Variants in GABRB2 observed in about 807,000 individuals in gnomAD.
The protein encoded by GABRB2 is gamma-aminobutyric acid receptor subunit beta-2.
Under a neutral mutation model 54.7 loss-of-function variants are expected in GABRB2, and 16 were observed. The observed-to-expected ratio is 0.29, with a 90% CI of 0.20 to 0.44. The LOEUF is 0.44. GABRB2 is among the 20% of genes least tolerant of loss of function. The probability of loss-of-function intolerance (pLI) is 1.00; values close to 1 mark genes in which losing one functional copy is unlikely to be tolerated. For synonymous variants in GABRB2, 244 were observed against 233.8 expected, an observed-to-expected ratio of 1.04 and a Z score of -0.40; for missense variants, 355 against 644.0, an observed-to-expected ratio of 0.55 and a Z score of 4.86.
intron 4 of GABRB2, among the ~76,000 whole-genome samples, chr5:161,421,366 T>A (rs1327274136): frequency 1.3e-5 from 2 of 152,142 alleles, no homozygotes; most frequent in Non-Finnish European, 2.9e-5. Flanking sequence ...ATAACTGAAA[T>A]GACTTTTATA....
chr5:161,322,381 A>G (rs1193487896), intron 9 of GABRB2, among the ~76,000 whole-genome samples: 1 of 152,056 alleles, frequency 6.6e-6, no homozygotes, highest in Admixed American at 6.6e-5. Context: ...GACTACAGGC[A>G]TGTGCCACCA....
At position 161,546,227 on chromosome 5, in the gene GABRB2, T is replaced by A. The variant is rs1581075212; in HGVS notation, c.169+95A>T. 63 of 934,702 alleles carry A rather than the reference T, an allele frequency of 6.7e-5. No homozygotes were observed. In the East Asian group the frequency reaches 1.5e-3, roughly 23 times the overall value. The allele number at this position is 934,702 out of a possible 1,614,324, so 57.9% of individuals were successfully genotyped here. On this transcript the variant is annotated intron_variant, in intron 2 of 9. Transcript: ENST00000393959. Reference sequence around the variant, plus strand: ...ATAGAGACACATTCAGGACACCACATGCACCCACAACTAGGGAGAGGGAAG... The same window carrying A: ...ATAGAGACACATTCAGGACACCACAAGCACCCACAACTAGGGAGAGGGAAG...
At chr5:161,410,938 C>G in intron 5 of GABRB2, 37 bp downstream of exon 5, 1 of 1,514,358 alleles carries the variant, frequency 6.6e-7, no homozygotes, top group Non-Finnish European at 9.2e-7. Flanking sequence ...AACCTTAAAG[C>G]AGAGTCCAGT....
intron 3 of GABRB2, among the ~76,000 whole-genome samples, chr5:161,537,116 A>C (rs1007016456): frequency 2.0e-5 from 3 of 152,184 alleles, no homozygotes; most frequent in African/African-American, 7.2e-5. Flanking sequence ...GTTTTAAGAC[A>C]TGATTATCTG....
chr5:161,524,844 T>A (rs1307509051), intron 3 of GABRB2, among the ~76,000 whole-genome samples: 1 of 151,360 alleles, frequency 6.6e-6, no homozygotes, highest in Non-Finnish European at 1.5e-5. Flanking sequence ...ATAAAATGTA[T>A]TTAGCTATGA....
At chr5:161,458,209 G>C (rs996403852) in intron 4 of GABRB2, among the ~76,000 whole-genome samples, 2 of 152,102 alleles carry the variant, frequency 1.3e-5, no homozygotes, top group Non-Finnish European at 2.9e-5. Flanking sequence ...AATAATTTTA[G>C]TATCATGTAT....
chr5:161,468,647 A>G (rs1298344442), intron 3 of GABRB2, among the ~76,000 whole-genome samples: 1 of 151,994 alleles, frequency 6.6e-6, no homozygotes, highest in Admixed American at 6.6e-5. Context: ...ATGTCGCCCA[A>G]CTAGAAGGTA....
chr5:161,350,407 C>T (rs1385093096), intron 5 of GABRB2, among the ~76,000 whole-genome samples: 1 of 151,410 alleles, frequency 6.6e-6, no homozygotes, highest in Non-Finnish European at 1.5e-5. Context: ...ACAAAGTAAC[C>T]AAAAAAGTAA....
chr5:161,448,063 T>C (rs1222355754), intron 4 of GABRB2, among the ~76,000 whole-genome samples: 1 of 152,170 alleles, frequency 6.6e-6, no homozygotes, highest in Admixed American at 6.6e-5. Flanking sequence ...ATGATGTTTG[T>C]GCAGCCTTGA....
intron 3 of GABRB2, among the ~76,000 whole-genome samples, chr5:161,467,137 A>AT (rs1438607139): frequency 6.6e-6 from 1 of 152,104 alleles, no homozygotes; most frequent in Non-Finnish European, 1.5e-5. Context: ...GAAAATTACC[A>AT]TTACTGAACT....
At chr5:161,317,954 A>G (rs1322898328) in intron 9 of GABRB2, among the ~76,000 whole-genome samples, 2 of 152,064 alleles carry the variant, frequency 1.3e-5, no homozygotes, top group African/African-American at 4.8e-5. Context: ...AGCAACAATC[A>G]GTGCTGCTGA....
At chr5:161,525,017 G>A (rs945106845) in intron 3 of GABRB2, among the ~76,000 whole-genome samples, 16 of 151,206 alleles carry the variant, frequency 1.1e-4, no homozygotes, top group African/African-American at 3.9e-4. Context: ...ATTTTATGTT[G>A]TAGTTAATGC....
intron 9 of GABRB2, among the ~76,000 whole-genome samples, chr5:161,320,143 G>T (rs1039129131): frequency 9.2e-5 from 14 of 151,484 alleles, no homozygotes; most frequent in Non-Finnish European, 1.9e-4. Context: ...AATTGATCTT[G>T]ATTATTCCTT....
At chr5:161,510,029 G>T (rs1222830456) in intron 3 of GABRB2, among the ~76,000 whole-genome samples, 1 of 151,614 alleles carries the variant, frequency 6.6e-6, no homozygotes, top group Non-Finnish European at 1.5e-5. Flanking sequence ...CATTTACGGG[G>T]TACATGAGAT....
intron 4 of GABRB2, among the ~76,000 whole-genome samples, chr5:161,444,868 C>A (rs1170888753): frequency 6.6e-6 from 1 of 152,020 alleles, no homozygotes. Context: ...TCTTAATTTA[C>A]CTCAGTATGC....
chr5:161,327,050 A>G, intron 8 of GABRB2: 2 of 522,360 alleles, frequency 3.8e-6, no homozygotes, highest in Non-Finnish European at 4.9e-6. Context: ...GGACACACAC[A>G]CACACACACA....
At chr5:161,464,281 G>T (rs1758212281) in intron 3 of GABRB2, among the ~76,000 whole-genome samples, 1 of 151,870 alleles carries the variant, frequency 6.6e-6, no homozygotes, top group Non-Finnish European at 1.5e-5. Flanking sequence ...ATAAGCAAAA[G>T]ATGTGAACAG....
chr5:161,412,981 C>T (rs1373500414), intron 4 of GABRB2, among the ~76,000 whole-genome samples: 1 of 152,170 alleles, frequency 6.6e-6, no homozygotes, highest in African/African-American at 2.4e-5. Context: ...TCTCAGCTCA[C>T]TGCAGCCTCA....
At chr5:161,459,925 A>C in intron 3 of GABRB2, 81 bp from the exon 4 acceptor site, 1 of 716,582 alleles carries the variant, frequency 1.4e-6, no homozygotes. Flanking sequence ...AGTATTAATA[A>C]GAAAATGAAT....
Sources: gnomAD v4.1 joint callset for allele counts (sites outside exome capture counted in the v4.1 genomes callset) on GRCh38, gnomAD v4.1.1 for gene constraint, MANE v1.5 for transcripts, NCBI Gene and HGNC (gene_info 2026-07-23, HGNC 2026-07-21) for gene names.